Variants in PRIM2 observed in about 807,000 individuals in gnomAD.
The protein encoded by PRIM2 is DNA primase large subunit.
PRIM2 carries 39 observed loss-of-function variants against 67.3 expected under a neutral mutation model. The ratio of observed to expected loss-of-function variants is 0.58; its 90% confidence interval spans 0.45 to 0.76. The LOEUF is 0.76. PRIM2 is among the 30% of genes least tolerant of loss of function. PRIM2 has a pLI of 0.00. For missense variants in PRIM2, 398 were observed against 598.7 expected (o/e 0.66, Z 3.50); for synonymous variants, 143 against 198.7 (o/e 0.72, Z 2.36).
At chr6:57,425,983 A>G (rs9475941) in intron 7 of PRIM2, among the ~76,000 whole-genome samples, 7,278 of 152,230 alleles carry the variant, frequency 0.048, 323 homozygotes, top group African/African-American at 0.11. Flanking sequence ...AAAGTTAAGT[A>G]TATGTGGACA....
chr6:57,542,054 C>A (rs1775171473), intron 10 of PRIM2, among the ~76,000 whole-genome samples: 2 of 148,486 alleles, frequency 1.3e-5, no homozygotes, highest in South Asian at 4.3e-4. Context: ...TAGCTCACTG[C>A]AACCTCTGCC....
intron 13 of PRIM2, among the ~76,000 whole-genome samples, chr6:57,637,161 A>G (rs1343118695): frequency 3.9e-5 from 6 of 152,194 alleles, no homozygotes; most frequent in Non-Finnish European, 8.8e-5. Context: ...CTGCAGCAGA[A>G]GGGTCTAACT....
In PRIM2 at chr6:57,646,184, A is replaced by G. The variant is rs2127503416; in HGVS notation, c.*26A>G. The G allele has an allele frequency of 6.9e-7, 1 of 1,447,530 alleles. No homozygotes were observed. The highest frequency in any genetic ancestry group is 1.2e-5 in the South Asian group (1 of 85,204). 89.7% of individuals were successfully genotyped at this position (1,447,530 alleles called of 1,614,324 possible). ...GCAGTTTTATAACCCTTTTTCCTCA[A>G]TAGCCTGTTTCCTGTTTTTAAGATT... is the stretch of plus-strand genomic sequence containing the variant. On this transcript the variant is annotated 3_prime_UTR_variant, in exon 14 of 14. Transcript: ENST00000615550.
the PRIM2 span, chr6:57,222,180 G>T: frequency 2.6e-5 from 4 of 152,264 alleles, no homozygotes; most frequent in Admixed American, 1.3e-4. Context: ...GAATGATTAT[G>T]ATTTTTAAAC....
chr6:57,637,148 G>A (rs1268775680), intron 13 of PRIM2, among the ~76,000 whole-genome samples: 4 of 152,148 alleles, frequency 2.6e-5, no homozygotes, highest in Admixed American at 6.5e-5. Context: ...AACTCCAGCA[G>A]ACCTGCAGCA....
At position 57,582,523 on chromosome 6, in the gene PRIM2, G is replaced by A. The variant is rs1170764402; in HGVS notation, c.1021-18570G>A. On this transcript the variant is annotated intron_variant, in intron 10 of 13. Coordinates refer to ENST00000615550, the MANE Select transcript of PRIM2 (RefSeq NM_000947.5). ...GTTTGCCATATTTTATTATTCTAAA[G>A]TTCTGTTAAATTAGAAACTGGATAA... is the stretch of plus-strand genomic sequence containing the variant. Among the ~76,000 whole-genome samples, 18 of 152,114 alleles carry A rather than the reference G, an allele frequency of 1.2e-4. No homozygotes were observed. The East Asian group carries it at 2.9e-3, about 24-fold the overall frequency.
chr6:57,391,010 A>G (rs1770325231), intron 7 of PRIM2, among the ~76,000 whole-genome samples: 1 of 152,082 alleles, frequency 6.6e-6, no homozygotes, highest in Non-Finnish European at 1.5e-5. Context: ...CCAACAGTGT[A>G]TAAGTGTTCC....
chr6:57,641,181 G>T, intron 13 of PRIM2, among the ~76,000 whole-genome samples: 1 of 152,060 alleles, frequency 6.6e-6, no homozygotes, highest in Non-Finnish European at 1.5e-5. Flanking sequence ...AAACTGGCTA[G>T]CCATATGCAG....
At chr6:57,536,787 GA>G (rs1775011626) in intron 9 of PRIM2, among the ~76,000 whole-genome samples, 1 of 152,160 alleles carries the variant, frequency 6.6e-6, no homozygotes, top group South Asian at 2.1e-4. Context: ...TATAGAGATG[GA>G]GAACCAGATC....
intron 12 of PRIM2, among the ~76,000 whole-genome samples, chr6:57,615,474 A>G (rs1288047317): frequency 6.6e-6 from 1 of 151,960 alleles, no homozygotes; most frequent in Non-Finnish European, 1.5e-5. Flanking sequence ...TGACAGTAAA[A>G]TCTCTCATTG....
chr6:57,228,879 G>A, the PRIM2 span, among the ~76,000 whole-genome samples: 1 of 152,208 alleles, frequency 6.6e-6, no homozygotes, highest in Non-Finnish European at 1.5e-5. Context: ...TTAGAAGAGT[G>A]TAAGCCCTCA....
chr6:57,522,248 T>G (rs1170493161), intron 8 of PRIM2, among the ~76,000 whole-genome samples: 2 of 152,214 alleles, frequency 1.3e-5, no homozygotes, highest in Non-Finnish European at 2.9e-5. Flanking sequence ...GCCTGTATTT[T>G]GTTTATGACT....
At chr6:57,261,742 G>A in the PRIM2 span, among the ~76,000 whole-genome samples, 1 of 152,128 alleles carries the variant, frequency 6.6e-6, no homozygotes, top group African/African-American at 2.4e-5. Flanking sequence ...GAAAGGTTGG[G>A]TTATTTTTCC....
intron 7 of PRIM2, among the ~76,000 whole-genome samples, chr6:57,482,332 G>A (rs1276875640): frequency 1.4e-4 from 22 of 152,166 alleles, no homozygotes; most frequent in Non-Finnish European, 2.9e-4. Flanking sequence ...ATAGAGGGAC[G>A]ATAATTTATA....
intron 8 of PRIM2, among the ~76,000 whole-genome samples, chr6:57,521,951 T>C (rs1774634233): frequency 1.3e-5 from 2 of 151,470 alleles, no homozygotes; most frequent in African/African-American, 2.4e-5. Context: ...CTGTGTATTA[T>C]GGCTTCTTAC....
intron 10 of PRIM2, among the ~76,000 whole-genome samples, chr6:57,595,910 A>C (rs1246052635): frequency 1.3e-5 from 2 of 152,008 alleles, no homozygotes; most frequent in Non-Finnish European, 2.9e-5. Context: ...TTCCTGGAGG[A>C]TGGCATAGTG....
intron 7 of PRIM2, among the ~76,000 whole-genome samples, chr6:57,446,482 C>T (rs944627833): frequency 1.5e-4 from 19 of 129,088 alleles, no homozygotes; most frequent in African/African-American, 4.0e-4. Flanking sequence ...GGCACCATCA[C>T]GGCTCACTGC....
chr6:57,260,432 G>C, the PRIM2 span, among the ~76,000 whole-genome samples: 1 of 152,054 alleles, frequency 6.6e-6, no homozygotes, highest in Non-Finnish European at 1.5e-5. Flanking sequence ...GAAAAATGTG[G>C]TGAATTATTT....
chr6:57,432,444 C>A (rs1409627925), intron 7 of PRIM2, among the ~76,000 whole-genome samples: 1 of 151,934 alleles, frequency 6.6e-6, no homozygotes, highest in Non-Finnish European at 1.5e-5. Flanking sequence ...ACTATTAAAC[C>A]TAAAAAGAGT....
Sources: allele counts gnomAD v4.1 joint callset (sites outside exome capture counted in the v4.1 genomes callset), GRCh38; gene constraint gnomAD v4.1.1; transcripts MANE v1.5; gene names NCBI Gene and HGNC (gene_info 2026-07-23, HGNC 2026-07-21).